CNTN4: variants seen among roughly 807,000 people sequenced by gnomAD.
The protein encoded by CNTN4 is contactin 4.
CNTN4 carries 77 observed loss-of-function variants against 122.5 expected under a neutral mutation model. The observed-to-expected ratio is 0.63, with a 90% CI of 0.52 to 0.76. The LOEUF is 0.76. CNTN4 is among the 30% of genes least tolerant of loss of function. The pLI is 0.00. For missense variants in CNTN4, 1,256 were observed against 1,259.1 expected (o/e 1.00, Z 0.04); for synonymous variants, 512 against 447.0 (o/e 1.15, Z -1.83).
chr3:2,949,734 A>T (rs963326221), intron 13 of CNTN4, among the ~76,000 whole-genome samples: 1 of 152,244 alleles, frequency 6.6e-6, no homozygotes, highest in South Asian at 2.1e-4. Context: ...TTTGTGAGTT[A>T]CCCCATATCT....
intron 4 of CNTN4, among the ~76,000 whole-genome samples, chr3:2,602,493 C>T (rs1044431790): frequency 1.3e-5 from 2 of 152,108 alleles, no homozygotes; most frequent in Non-Finnish European, 2.9e-5. Flanking sequence ...TTCACAATTG[C>T]TTCAAAGAGA....
intron 6 of CNTN4, among the ~76,000 whole-genome samples, chr3:2,761,451 T>C (rs1044168412): frequency 1.3e-5 from 2 of 151,574 alleles, no homozygotes; most frequent in African/African-American, 4.8e-5. Context: ...TGTGTGTGTG[T>C]GTGTGTGTGT....
At chr3:2,919,050 T>C (rs2094399714) in intron 12 of CNTN4, among the ~76,000 whole-genome samples, 1 of 151,862 alleles carries the variant, frequency 6.6e-6, no homozygotes, top group Non-Finnish European at 1.5e-5. Flanking sequence ...AAAAGAAAGA[T>C]TGTTGCTTTT....
At chr3:3,035,927 T>TAA (rs34297312) in intron 17 of CNTN4, among the ~76,000 whole-genome samples, 1 of 142,992 alleles carries the variant, frequency 7.0e-6, no homozygotes, top group Non-Finnish European at 1.5e-5. Flanking sequence ...TACAAATTCT[T>TAA]AAAAAAAAAA....
chr3:2,504,806 A>G (rs1242632803), intron 3 of CNTN4, among the ~76,000 whole-genome samples: 1 of 152,210 alleles, frequency 6.6e-6, no homozygotes, highest in East Asian at 1.9e-4. Context: ...GCAACCAGAA[A>G]AATTCAAATT....
At chr3:3,010,982 C>G (rs964409003) in intron 14 of CNTN4, among the ~76,000 whole-genome samples, 36 of 152,240 alleles carry the variant, frequency 2.4e-4, no homozygotes, top group African/African-American at 7.9e-4. Flanking sequence ...AGTTTGCTAC[C>G]CCATCCTCTC....
At chr3:2,922,591 CAAAAG>C (rs2094439087) in intron 12 of CNTN4, among the ~76,000 whole-genome samples, 4 of 136,098 alleles carry the variant, frequency 2.9e-5, no homozygotes, top group Non-Finnish European at 6.4e-5. Context: ...ATTGAGTTAA[CAAAAG>C]AAAAGAACTT....
chr3:2,661,236 AT>A (rs2083876470), intron 4 of CNTN4, among the ~76,000 whole-genome samples: 1 of 152,196 alleles, frequency 6.6e-6, no homozygotes, highest in Non-Finnish European at 1.5e-5. Flanking sequence ...TTGAAAGTGT[AT>A]TCATGGCAGG....
chr3:2,499,111 T>G (rs2148988022), intron 3 of CNTN4, among the ~76,000 whole-genome samples: 1 of 152,300 alleles, frequency 6.6e-6, no homozygotes, highest in South Asian at 2.1e-4. Context: ...TGGTATCAAG[T>G]CTGAGAACTC....
chr3:2,583,786 G>T (rs1005748156), intron 4 of CNTN4, among the ~76,000 whole-genome samples: 1 of 152,056 alleles, frequency 6.6e-6, no homozygotes, highest in Non-Finnish European at 1.5e-5. Context: ...TAGATGTTGG[G>T]TGTACCGAGA....
intron 6 of CNTN4, among the ~76,000 whole-genome samples, chr3:2,781,995 T>C (rs1033089983): frequency 3.3e-5 from 5 of 151,722 alleles, no homozygotes; most frequent in African/African-American, 9.7e-5. Flanking sequence ...AGTGCTGAGA[T>C]TACAGGCATG....
chr3:2,775,584 T>TA (rs2091284012), intron 6 of CNTN4, among the ~76,000 whole-genome samples: 1 of 152,042 alleles, frequency 6.6e-6, no homozygotes, highest in South Asian at 2.1e-4. Flanking sequence ...CACAGCCAGC[T>TA]AATTTTTTGT....
chr3:2,948,049 A>G (rs13318876), intron 13 of CNTN4, among the ~76,000 whole-genome samples: 305 of 152,312 alleles, frequency 2.0e-3, no homozygotes, highest in African/African-American at 6.9e-3. Context: ...TACCAGTCAC[A>G]AGCCATGTGA....
At chr3:2,261,405 T>C (rs2040828665) in intron 2 of CNTN4, among the ~76,000 whole-genome samples, 1 of 152,192 alleles carries the variant, frequency 6.6e-6, no homozygotes, top group Non-Finnish European at 1.5e-5. Flanking sequence ...TGTGCTCTTA[T>C]TGTCCAGCCA....
rs578122668 is a variant in CNTN4 at position 2,749,229 on chromosome 3, C to G, written c.358+3532C>G. On this transcript the variant is annotated intron_variant, in intron 6 of 24. Transcript: ENST00000418658. The stretch of plus-strand genomic sequence containing the variant: ...CCCTAGCTGGAGTGCAGTGGTGCGA[C>G]CTCAGCTCACTGCAACCTCCACCTC... 2.3e-3 allele frequency among the ~76,000 whole-genome samples: 357 copies of G among 152,080 alleles called. 1 individual carries two copies. The highest frequency in any genetic ancestry group is 4.4e-3 in the Non-Finnish European group (301 of 67,984).
intron 2 of CNTN4, among the ~76,000 whole-genome samples, chr3:2,247,579 T>A (rs2040204043): frequency 6.6e-6 from 1 of 151,992 alleles, no homozygotes; most frequent in African/African-American, 2.4e-5. Context: ...CTTGTCATAT[T>A]CGGGAACATT....
intron 2 of CNTN4, among the ~76,000 whole-genome samples, chr3:2,271,383 T>G (rs533238090): frequency 2.3e-4 from 35 of 152,290 alleles, no homozygotes; most frequent in African/African-American, 7.9e-4. Flanking sequence ...ATGTGCTTAT[T>G]ATTTTAAAGA....
intron 2 of CNTN4, among the ~76,000 whole-genome samples, chr3:2,253,315 A>G (rs777934738): frequency 6.6e-6 from 1 of 152,170 alleles, no homozygotes; most frequent in Non-Finnish European, 1.5e-5. Context: ...TATGTCACAT[A>G]AAAGTAGCCT....
intron 3 of CNTN4, among the ~76,000 whole-genome samples, chr3:2,369,481 G>A (rs890246322): frequency 6.6e-6 from 1 of 152,170 alleles, no homozygotes; most frequent in African/African-American, 2.4e-5. Context: ...GCTCTCCAAG[G>A]AAGCCTCATC....
Sources: gnomAD v4.1 joint callset for allele counts (sites outside exome capture counted in the v4.1 genomes callset) on GRCh38, gnomAD v4.1.1 for gene constraint, MANE v1.5 for transcripts, NCBI Gene and HGNC (gene_info 2026-07-23, HGNC 2026-07-21) for gene names.